The following LIMS1 variants were observed in gnomAD, a reference collection of about 807,000 sequenced individuals.
LIMS1 encodes LIM zinc finger domain containing 1.
Under a neutral mutation model 44.1 loss-of-function variants are expected in LIMS1, and 18 were observed. That is an observed-to-expected ratio of 0.41 (90% CI 0.28 to 0.61). The LOEUF (loss-of-function observed/expected upper bound fraction) is 0.61. Among genes scored for constraint, LIMS1 ranks in the 20% least tolerant of loss-of-function variants. The pLI is 0.32. For synonymous variants in LIMS1, 93 were observed against 149.1 expected (o/e 0.62, Z 2.74); for missense variants, 201 against 422.0 (o/e 0.48, Z 4.59).
chr2:108,661,352 C>G (rs62151367), intron 2 of LIMS1, among the ~76,000 whole-genome samples: 21 of 144,618 alleles, frequency 1.5e-4, no homozygotes, highest in South Asian at 1.1e-3. Flanking sequence ...TTTTTTTTAA[C>G]TTTATTTCTT....
intron 1 of LIMS1, among the ~76,000 whole-genome samples, chr2:108,630,005 C>G (rs188050243): frequency 6.6e-6 from 1 of 152,218 alleles, no homozygotes; most frequent in East Asian, 1.9e-4. Context: ...CCAGACTGGG[C>G]AACATGGTGA....
intron 1 of LIMS1, among the ~76,000 whole-genome samples, chr2:108,609,760 G>T (rs1687483856): frequency 6.6e-6 from 1 of 152,136 alleles, no homozygotes; most frequent in South Asian, 2.1e-4. Flanking sequence ...GCATCACACT[G>T]CACACATATA....
intron 1 of LIMS1, among the ~76,000 whole-genome samples, chr2:108,635,323 G>T (rs1378512444): frequency 6.6e-6 from 1 of 151,704 alleles, no homozygotes; most frequent in African/African-American, 2.4e-5. Flanking sequence ...AGCTACTCAG[G>T]GGGCCAAAGC....
chr2:108,611,866 TATACACATATATATAAA>T (rs1687630602), intron 1 of LIMS1, among the ~76,000 whole-genome samples: 1 of 142,552 alleles, frequency 7.0e-6, no homozygotes, highest in Admixed American at 7.2e-5. Context: ...CACACATATA[TATACACATATATATAAA>T]ATATATACAC....
At chr2:108,679,181 A>G (rs900912313) in intron 8 of LIMS1, among the ~76,000 whole-genome samples, 3 of 152,004 alleles carry the variant, frequency 2.0e-5, no homozygotes, top group Admixed American at 1.3e-4. Flanking sequence ...GAGATGATCT[A>G]AAGTATACGA....
intron 1 of LIMS1, among the ~76,000 whole-genome samples, chr2:108,599,912 C>T (rs1686911440): frequency 1.3e-5 from 2 of 151,584 alleles, no homozygotes; most frequent in South Asian, 4.2e-4. Context: ...TGTTTAAGCC[C>T]CTTATATATT....
chr2:108,663,831 C>G, intron 2 of LIMS1, among the ~76,000 whole-genome samples: 1 of 151,830 alleles, frequency 6.6e-6, no homozygotes, highest in Admixed American at 6.6e-5. Context: ...CTTGGCTCAC[C>G]GCAACCTCCA....
chr2:108,666,077 A>G (rs1691736422), intron 2 of LIMS1, among the ~76,000 whole-genome samples: 1 of 151,620 alleles, frequency 6.6e-6, no homozygotes, highest in Non-Finnish European at 1.5e-5. Flanking sequence ...AGTGGACACC[A>G]GCTGGGCGTT....
intron 1 of LIMS1, among the ~76,000 whole-genome samples, chr2:108,600,873 A>T (rs1242846541): frequency 7.0e-6 from 1 of 143,818 alleles, no homozygotes; most frequent in East Asian, 2.0e-4. Flanking sequence ...GAATCCACAT[A>T]AATTTTAGAA....
chr2:108,600,089 G>A (rs1306819252), intron 1 of LIMS1, among the ~76,000 whole-genome samples: 7 of 150,628 alleles, frequency 4.6e-5, no homozygotes, highest in Admixed American at 3.3e-4. Flanking sequence ...TCACTCTGTC[G>A]CCAAGGCTGG....
chr2:108,684,915 A>G (rs1423159976), exon 10 of LIMS1: 1 of 152,076 alleles, frequency 6.6e-6, no homozygotes, highest in Non-Finnish European at 1.5e-5. Flanking sequence ...TGCTTTATAC[A>G]TACTCAAACT....
chr2:108,677,924 G>T, intron 7 of LIMS1, 55 bp from the exon 8 acceptor site: 2 of 1,530,604 alleles, frequency 1.3e-6, no homozygotes, highest in Non-Finnish European at 1.8e-6. Flanking sequence ...TAAATGTTCA[G>T]TGTTCTAAAA....
chr2:108,638,721 T>G (rs1689449226), intron 1 of LIMS1, among the ~76,000 whole-genome samples: 2 of 151,582 alleles, frequency 1.3e-5, no homozygotes, highest in African/African-American at 4.9e-5. Flanking sequence ...CACTCCAGCC[T>G]GGCAACAGAG....
chr2:108,604,476 A>G (rs941999966), intron 1 of LIMS1, among the ~76,000 whole-genome samples: 6 of 152,228 alleles, frequency 3.9e-5, no homozygotes, highest in Admixed American at 1.3e-4. Context: ...AGTTGTAGCA[A>G]TTTTTGAAAA....
At chr2:108,557,581 A>G (rs1253150366) in intron 1 of LIMS1, among the ~76,000 whole-genome samples, 1 of 151,522 alleles carries the variant, frequency 6.6e-6, no homozygotes, top group Non-Finnish European at 1.5e-5. Context: ...CAGTGGCACA[A>G]TCTGGGCTCA....
At chr2:108,536,564 A>G (rs1684149908) in intron 1 of LIMS1, among the ~76,000 whole-genome samples, 1 of 152,206 alleles carries the variant, frequency 6.6e-6, no homozygotes, top group Non-Finnish European at 1.5e-5. Context: ...GCTACTACGA[A>G]CAAATAGACA....
At chr2:108,606,005 C>T (rs1020240060) in intron 1 of LIMS1, among the ~76,000 whole-genome samples, 3 of 152,198 alleles carry the variant, frequency 2.0e-5, no homozygotes, top group Non-Finnish European at 2.9e-5. Flanking sequence ...GCGTGGCCCT[C>T]GGGCCCAAGT....
intron 2 of LIMS1, among the ~76,000 whole-genome samples, chr2:108,667,562 A>ATG (rs1387784030): frequency 2.0e-5 from 3 of 147,696 alleles, no homozygotes; most frequent in African/African-American, 7.4e-5. Flanking sequence ...ATATATATAT[A>ATG]TATATATACT....
intron 1 of LIMS1, chr2:108,655,189 TC>T: frequency 2.8e-6 from 4 of 1,453,730 alleles, no homozygotes; most frequent in Non-Finnish European, 3.8e-6. Flanking sequence ...GAGGGCTGTT[TC>T]CAAACTGCAG....
Sources: allele counts gnomAD v4.1 joint callset (sites outside exome capture counted in the v4.1 genomes callset), GRCh38; gene constraint gnomAD v4.1.1; transcripts MANE v1.5; gene names NCBI Gene and HGNC (gene_info 2026-07-23, HGNC 2026-07-21).